Variants in XKR6 observed in about 807,000 individuals in gnomAD.
XKR6 encodes XK related 6.
XKR6 carries 22 observed loss-of-function variants against 56.7 expected under a neutral mutation model. That is an observed-to-expected ratio of 0.39 (90% CI 0.28 to 0.55). The LOEUF (loss-of-function observed/expected upper bound fraction) is 0.55. XKR6 is among the 20% of genes least tolerant of loss of function. XKR6 has a pLI of 0.66. For synonymous variants in XKR6, 524 were observed against 387.8 expected, an observed-to-expected ratio of 1.35 and a Z score of -4.13; for missense variants, 852 against 889.0, an observed-to-expected ratio of 0.96 and a Z score of 0.53.
intron 1 of XKR6, among the ~76,000 whole-genome samples, chr8:10,992,363 A>G (rs1321962335): frequency 6.6e-6 from 1 of 152,122 alleles, no homozygotes; most frequent in Non-Finnish European, 1.5e-5. Context: ...TGAAGACTCC[A>G]TCTATCTGAA....
At chr8:11,004,899 C>G (rs774309602) in intron 1 of XKR6, among the ~76,000 whole-genome samples, 1 of 152,076 alleles carries the variant, frequency 6.6e-6, no homozygotes, top group South Asian at 2.1e-4. Context: ...CATGGATGAA[C>G]CTTGCAGACC....
At chr8:11,143,281 T>A (rs1246207019) in intron 1 of XKR6, among the ~76,000 whole-genome samples, 1 of 152,236 alleles carries the variant, frequency 6.6e-6, no homozygotes, top group Non-Finnish European at 1.5e-5. Context: ...GCAGTAGTAC[T>A]GTGCCTGTGA....
intron 1 of XKR6, among the ~76,000 whole-genome samples, chr8:11,192,899 G>A (rs970971861): frequency 2.0e-5 from 3 of 152,162 alleles, no homozygotes; most frequent in Non-Finnish European, 4.4e-5. Context: ...CTGAGTTCTA[G>A]ATTGCCCTGC....
chr8:11,079,178 A>G (rs1800349970), intron 1 of XKR6, among the ~76,000 whole-genome samples: 1 of 152,242 alleles, frequency 6.6e-6, no homozygotes, highest in African/African-American at 2.4e-5. Flanking sequence ...GCCTCTGGGC[A>G]GGAGATACCA....
intron 1 of XKR6, among the ~76,000 whole-genome samples, chr8:11,173,251 G>T (rs906968729): frequency 6.6e-6 from 1 of 151,580 alleles, no homozygotes; most frequent in African/African-American, 2.4e-5. Flanking sequence ...GGCTGAGGCA[G>T]GAGAATGGCG....
At chr8:11,143,340 C>A (rs1482199401) in intron 1 of XKR6, among the ~76,000 whole-genome samples, 13 of 152,156 alleles carry the variant, frequency 8.5e-5, no homozygotes, top group Admixed American at 7.9e-4. Flanking sequence ...CAAGTCCCTT[C>A]TTTAAAACAC....
intron 1 of XKR6, among the ~76,000 whole-genome samples, chr8:11,067,644 G>A (rs569054339): frequency 4.7e-4 from 72 of 152,386 alleles, no homozygotes; most frequent in Non-Finnish European, 9.1e-4. Flanking sequence ...GTTACCAGCT[G>A]AGGGGAGTTG....
rs151136302 is a variant in XKR6, at chr8:11,188,295, C to G, written c.764+12281G>C. Among the ~76,000 whole-genome samples the G allele has an allele frequency of 7.2e-3, 1,101 of 152,288 alleles. 13 individuals carry two copies. The highest frequency in any genetic ancestry group is 0.025 in the African/African-American group (1,029 of 41,566). ...CCTTTCCCACATTACAGCTCAGAAA[C>G]TACCTAAAAATTAGTATGCAGTTCC... On this transcript the variant is annotated intron_variant, in intron 1 of 2. Transcript: ENST00000416569.
chr8:11,177,006 T>C (rs1458832652), intron 1 of XKR6, among the ~76,000 whole-genome samples: 1 of 152,140 alleles, frequency 6.6e-6, no homozygotes, highest in East Asian at 1.9e-4. Flanking sequence ...TGTCATCTCA[T>C]CCAAACCTTG....
chr8:11,001,077 T>G (rs1046144100), intron 1 of XKR6, among the ~76,000 whole-genome samples: 1 of 152,232 alleles, frequency 6.6e-6, no homozygotes, highest in Non-Finnish European at 1.5e-5. Flanking sequence ...GAACAATTGC[T>G]GGCCTCATTG....
chr8:11,195,211 G>C (rs1458928606), intron 1 of XKR6: 2 of 702,464 alleles, frequency 2.8e-6, no homozygotes, highest in Non-Finnish European at 5.2e-6. Context: ...GGTACCAAAG[G>C]GTCTTGCCCA....
chr8:11,182,637 C>T (rs929837496), intron 1 of XKR6, among the ~76,000 whole-genome samples: 2 of 152,104 alleles, frequency 1.3e-5, no homozygotes, highest in African/African-American at 2.4e-5. Context: ...TTTGTTTGTT[C>T]GTTCATTTGT....
At chr8:10,947,275 T>C (rs1801581137) in intron 1 of XKR6, among the ~76,000 whole-genome samples, 1 of 152,096 alleles carries the variant, frequency 6.6e-6, no homozygotes, top group Admixed American at 6.5e-5. Context: ...GGTGTTGCCA[T>C]TCACCGGGAT....
intron 1 of XKR6, among the ~76,000 whole-genome samples, chr8:11,086,157 T>TTTTTTAA (rs1491345169): frequency 2.0e-5 from 3 of 147,982 alleles, no homozygotes; most frequent in African/African-American, 7.5e-5. Flanking sequence ...TATTTTTTTT[T>TTTTTTAA]AAAAAAAACA....
At chr8:11,077,871 G>A (rs891750177) in intron 1 of XKR6, among the ~76,000 whole-genome samples, 5 of 152,184 alleles carry the variant, frequency 3.3e-5, no homozygotes, top group African/African-American at 1.2e-4. Flanking sequence ...ATCAGACCGG[G>A]GACCCAGGGG....
At chr8:11,033,600 C>G (rs1187891541) in intron 1 of XKR6, among the ~76,000 whole-genome samples, 3 of 152,174 alleles carry the variant, frequency 2.0e-5, no homozygotes, top group African/African-American at 7.2e-5. Context: ...TGGCCCCTGC[C>G]CCACTCATTA....
At chr8:11,051,962 G>C (rs560318431) in intron 1 of XKR6, among the ~76,000 whole-genome samples, 173 of 152,322 alleles carry the variant, frequency 1.1e-3, no homozygotes, top group African/African-American at 4.0e-3. Context: ...TGTTGCACAG[G>C]TATGCGTGTG....
intron 1 of XKR6, among the ~76,000 whole-genome samples, chr8:11,144,206 T>C (rs969484212): frequency 3.0e-5 from 4 of 133,524 alleles, no homozygotes; most frequent in African/African-American, 3.1e-5. Flanking sequence ...TTTGATGTAG[T>C]TTTGTTTTAA....
chr8:11,198,640 A>G (rs2036084473), intron 1 of XKR6, among the ~76,000 whole-genome samples: 1 of 152,190 alleles, frequency 6.6e-6, no homozygotes, highest in Non-Finnish European at 1.5e-5. Context: ...ATTTAGGTGA[A>G]TGGAGGTGGG....
Sources: allele counts gnomAD v4.1 joint callset (sites outside exome capture counted in the v4.1 genomes callset), GRCh38; gene constraint gnomAD v4.1.1; transcripts MANE v1.5; gene names NCBI Gene and HGNC (gene_info 2026-07-23, HGNC 2026-07-21).